Variants in RASGRP3 observed in about 807,000 individuals in gnomAD.
RASGRP3 encodes RAS guanyl releasing protein 3.
Under a neutral mutation model 82.7 loss-of-function variants are expected in RASGRP3, and 54 were observed. That is an observed-to-expected ratio of 0.65 (90% CI 0.52 to 0.82). The LOEUF is 0.82. Ranked by LOEUF, RASGRP3 falls within the 40% of genes least tolerant of loss-of-function variation. RASGRP3 has a pLI of 0.00. For synonymous variants in RASGRP3, 309 were observed against 300.5 expected (o/e 1.03, Z -0.29); for missense variants, 861 against 828.9 (o/e 1.04, Z -0.48).
intron 2 of RASGRP3, among the ~76,000 whole-genome samples, chr2:33,459,609 AC>A (rs1666248002): frequency 6.9e-6 from 1 of 144,332 alleles, no homozygotes; most frequent in African/African-American, 3.0e-5. Flanking sequence ...ACTGAGCTCA[AC>A]TTTGATTTGT....
chr2:33,488,083 C>G lies in RASGRP3; in HGVS notation c.-261+11376C>G, dbSNP rs115834074. 7.4e-3 allele frequency among the ~76,000 whole-genome samples: 1,129 copies of G among 152,296 alleles called. 13 individuals carry two copies. Among genetic ancestry groups the G allele is most frequent in the African/African-American group, 0.026 (1,088 of 41,546 alleles). On this transcript the variant is annotated intron_variant, in intron 1 of 17. Transcript: ENST00000403687. ...AGCCGTGATTCAAGAAAGATTAACA[C>G]AATTCATGGCTGATTCTTACTCGAT...
At chr2:33,522,968 G>T (rs1672174698) in intron 7 of RASGRP3, among the ~76,000 whole-genome samples, 1 of 152,148 alleles carries the variant, frequency 6.6e-6, no homozygotes, top group Admixed American at 6.6e-5. Flanking sequence ...TGTATTTTTT[G>T]ACATCCATGC....
intron 13 of RASGRP3, among the ~76,000 whole-genome samples, chr2:33,549,124 A>G (rs988646132): frequency 6.6e-6 from 1 of 152,194 alleles, no homozygotes; most frequent in African/African-American, 2.4e-5. Flanking sequence ...TGAATGGGCT[A>G]TGAGCCACTA....
chr2:33,436,799 T>G (rs557566540), intron 1 of RASGRP3, among the ~76,000 whole-genome samples: 1 of 152,348 alleles, frequency 6.6e-6, no homozygotes, highest in Non-Finnish European at 1.5e-5. Flanking sequence ...AAAAGTTGTT[T>G]CTTGACAATA....
intron 14 of RASGRP3, among the ~76,000 whole-genome samples, chr2:33,551,946 T>C (rs1272952773): frequency 2.6e-5 from 4 of 152,048 alleles, no homozygotes; most frequent in Non-Finnish European, 5.9e-5. Flanking sequence ...CGAGCCAAGA[T>C]GGCACCACTG....
At chr2:33,521,739 T>A (rs7565568) in intron 6 of RASGRP3, among the ~76,000 whole-genome samples, 124,875 of 152,228 alleles carry the variant, frequency 0.82, 51,438 homozygotes, top group African/African-American at 0.9. Flanking sequence ...TTCTGGATGG[T>A]TCAGTGCAAA....
chr2:33,443,038 G>A (rs1023302017), intron 1 of RASGRP3, among the ~76,000 whole-genome samples: 2 of 152,230 alleles, frequency 1.3e-5, no homozygotes, highest in East Asian at 3.9e-4. Context: ...CAGTGTGAAC[G>A]CCTCCCTGTG....
At chr2:33,546,189 T>C (rs1674723551) in intron 13 of RASGRP3, among the ~76,000 whole-genome samples, 1 of 151,346 alleles carries the variant, frequency 6.6e-6, no homozygotes, top group African/African-American at 2.4e-5. Context: ...TTTGGGAGGC[T>C]GAGGTGGGTG....
chr2:33,498,344 G>T (rs535497869), intron 1 of RASGRP3, among the ~76,000 whole-genome samples: 1 of 152,272 alleles, frequency 6.6e-6, no homozygotes, highest in African/African-American at 2.4e-5. Context: ...AAACCACACA[G>T]TTAGAAAGTT....
chr2:33,517,239 T>C (rs1196965717), intron 4 of RASGRP3, among the ~76,000 whole-genome samples: 4 of 152,266 alleles, frequency 2.6e-5, no homozygotes, highest in African/African-American at 9.6e-5. Context: ...TTTAGCAGTC[T>C]ACCAGTTCTC....
intron 6 of RASGRP3, 119 bp downstream of exon 6, chr2:33,520,803 G>C (rs905489346): frequency 2.4e-5 from 33 of 1,396,108 alleles, no homozygotes; most frequent in Non-Finnish European, 2.9e-5. Flanking sequence ...GCTTCTGTGA[G>C]GAAAGCCTTG....
intron 2 of RASGRP3, among the ~76,000 whole-genome samples, chr2:33,456,963 G>A (rs1666074094): frequency 6.7e-6 from 1 of 149,310 alleles, no homozygotes; most frequent in Non-Finnish European, 1.5e-5. Context: ...AAGTGCAGTG[G>A]CCTATCTTAG....
chr2:33,520,799 G>C, intron 6 of RASGRP3, 115 bp downstream of exon 6: 1 of 1,428,224 alleles, frequency 7.0e-7, no homozygotes, highest in Non-Finnish European at 9.6e-7. Flanking sequence ...GTTTGCTTCT[G>C]TGAGGAAAGC....
At chr2:33,499,817 T>A (rs1030522473) in intron 1 of RASGRP3, among the ~76,000 whole-genome samples, 1 of 151,574 alleles carries the variant, frequency 6.6e-6, no homozygotes, top group Non-Finnish European at 1.5e-5. Flanking sequence ...AGAAACCAAT[T>A]TGAAGTGTAC....
At chr2:33,479,263 T>C (rs1345533664) in intron 1 of RASGRP3, among the ~76,000 whole-genome samples, 3 of 152,180 alleles carry the variant, frequency 2.0e-5, no homozygotes, top group Admixed American at 6.5e-5. Context: ...GGCATGTTTT[T>C]CTCTTTGAAA....
intron 10 of RASGRP3, among the ~76,000 whole-genome samples, chr2:33,528,197 T>C (rs570411396): frequency 6.6e-5 from 10 of 152,380 alleles, no homozygotes; most frequent in African/African-American, 2.4e-4. Flanking sequence ...GATTTTTATC[T>C]GTTTATCTGC....
At chr2:33,491,695 A>C (rs377530083) in intron 1 of RASGRP3, among the ~76,000 whole-genome samples, 1 of 152,244 alleles carries the variant, frequency 6.6e-6, no homozygotes, top group Non-Finnish European at 1.5e-5. Flanking sequence ...ATCAGTCCTC[A>C]TTGTTATAAG....
intron 13 of RASGRP3, among the ~76,000 whole-genome samples, chr2:33,547,373 C>A (rs1441380158): frequency 5.3e-5 from 2 of 37,948 alleles, no homozygotes; most frequent in Non-Finnish European, 1.0e-4. Context: ...TTTTTTTTTG[C>A]CTCCTACGCA....
intron 13 of RASGRP3, among the ~76,000 whole-genome samples, chr2:33,547,945 G>C (rs1383621577): frequency 6.6e-6 from 1 of 152,270 alleles, no homozygotes; most frequent in African/African-American, 2.4e-5. Flanking sequence ...ATGAGAAAAG[G>C]CCACTGAGGA....
Sources: allele counts gnomAD v4.1 joint callset (sites outside exome capture counted in the v4.1 genomes callset), GRCh38; gene constraint gnomAD v4.1.1; transcripts MANE v1.5; gene names NCBI Gene and HGNC (gene_info 2026-07-23, HGNC 2026-07-21).